Variants in PHKB observed in about 807,000 individuals in gnomAD.
PHKB encodes phosphorylase kinase regulatory subunit beta.
Under a neutral mutation model 152.1 loss-of-function variants are expected in PHKB, and 122 were observed. The observed-to-expected ratio is 0.80, with a 90% CI of 0.69 to 0.93. The LOEUF (loss-of-function observed/expected upper bound fraction) is 0.93, where lower values mean the gene tolerates loss of function less well. Ranked by LOEUF, PHKB falls within the 40% of genes least tolerant of loss-of-function variation. The pLI, the probability that PHKB is intolerant of heterozygous loss-of-function variation, is 0.00. For missense variants in PHKB, 1,304 were observed against 1,328.4 expected (o/e 0.98, Z 0.29); for synonymous variants, 436 against 464.9 (o/e 0.94, Z 0.80).
rs763225615 is a variant in PHKB at position 47,669,287 on chromosome 16, A to T, written c.2500A>T (p.Ile834Phe). 6.2e-7 allele frequency: 1 copy of T among 1,614,084 alleles called. No individual in the cohort carries two copies. Among genetic ancestry groups the T allele is most frequent in the Non-Finnish European group, 8.5e-7 (1 of 1,179,956 alleles). The change falls in exon 26 of 31, where the codon ATC becomes TTC. Residue 834 changes from isoleucine (I) to phenylalanine (F), a missense_variant. By Grantham distance (21) the Ile-to-Phe change is conservative. Transcript: ENST00000323584. ...NPLSPRVIQNIIYYKCNTHDE... is the reference protein window; with the variant it reads ...NPLSPRVIQNFIYYKCNTHDE... ...TTTGTCTCCAAGAGTGATTCAAAAC[A>T]TCATCTATTATAAGTGTAACACCCA...
chr16:47,479,796 T>A (rs964434412), intron 1 of PHKB, among the ~76,000 whole-genome samples: 3 of 152,176 alleles, frequency 2.0e-5, no homozygotes, highest in Non-Finnish European at 2.9e-5. Context: ...CATCCCTGAT[T>A]CCCACTGGGC....
intron 13 of PHKB, among the ~76,000 whole-genome samples, chr16:47,605,626 C>T (rs1287450102): frequency 6.6e-6 from 1 of 152,006 alleles, no homozygotes; most frequent in East Asian, 1.9e-4. Flanking sequence ...TACTAATCAA[C>T]CCTGTATCAT....
At chr16:47,476,468 A>G (rs1477566316) in intron 1 of PHKB, among the ~76,000 whole-genome samples, 1 of 152,164 alleles carries the variant, frequency 6.6e-6, no homozygotes, top group Non-Finnish European at 1.5e-5. Flanking sequence ...TTTGATAATA[A>G]TCATTTGCTC....
intron 26 of PHKB, among the ~76,000 whole-genome samples, chr16:47,683,460 A>G (rs1241633168): frequency 6.6e-6 from 1 of 152,136 alleles, no homozygotes; most frequent in African/African-American, 2.4e-5. Flanking sequence ...AGCCTTGGCA[A>G]TGGCAGGCAC....
chr16:47,494,594 C>A (rs902563610), intron 1 of PHKB, among the ~76,000 whole-genome samples: 1 of 152,178 alleles, frequency 6.6e-6, no homozygotes, highest in Admixed American at 6.5e-5. Flanking sequence ...TCAGTCTGCT[C>A]TGAGCTATTT....
chr16:47,631,948 G>A (rs970566530), intron 14 of PHKB, among the ~76,000 whole-genome samples: 12 of 152,196 alleles, frequency 7.9e-5, no homozygotes, highest in Admixed American at 3.3e-4. Flanking sequence ...GGAAGTCAGT[G>A]TGGCTATTCC....
At chr16:47,563,357 A>C (rs1971508565) in intron 7 of PHKB, among the ~76,000 whole-genome samples, 1 of 152,004 alleles carries the variant, frequency 6.6e-6, no homozygotes, top group African/African-American at 2.4e-5. Context: ...AAGTAAAATT[A>C]ATCCTTGATC....
intron 7 of PHKB, among the ~76,000 whole-genome samples, chr16:47,552,418 A>G (rs1312128719): frequency 1.3e-5 from 2 of 152,162 alleles, no homozygotes; most frequent in African/African-American, 2.4e-5. Context: ...GGTGGTGACA[A>G]AATCTCTCAG....
chr16:47,686,224 C>A (rs1973962855), intron 26 of PHKB, among the ~76,000 whole-genome samples: 1 of 152,076 alleles, frequency 6.6e-6, no homozygotes, highest in Non-Finnish European at 1.5e-5. Flanking sequence ...GTGCGTGATA[C>A]TAGGGATTTT....
intron 13 of PHKB, among the ~76,000 whole-genome samples, chr16:47,602,922 C>T (rs1189805793): frequency 6.6e-6 from 1 of 152,044 alleles, no homozygotes; most frequent in Non-Finnish European, 1.5e-5. Flanking sequence ...ATAGGAAATA[C>T]TTCTCTCTGT....
chr16:47,657,373 G>A (rs1305614140), intron 20 of PHKB, among the ~76,000 whole-genome samples: 1 of 152,174 alleles, frequency 6.6e-6, no homozygotes, highest in Non-Finnish European at 1.5e-5. Flanking sequence ...AAATTCTAAA[G>A]GGAGAGCCCA....
intron 7 of PHKB, among the ~76,000 whole-genome samples, chr16:47,576,479 G>A (rs1971751541): frequency 6.6e-6 from 1 of 152,196 alleles, no homozygotes; most frequent in Non-Finnish European, 1.5e-5. Flanking sequence ...GATTTTGAAT[G>A]TCAATGCTCA....
chr16:47,558,925 G>A (rs998977736), intron 7 of PHKB, among the ~76,000 whole-genome samples: 1 of 152,162 alleles, frequency 6.6e-6, no homozygotes, highest in Non-Finnish European at 1.5e-5. Context: ...TACCATTAAA[G>A]ACAGAACCTT....
chr16:47,464,055 T>C (rs1969623923), intron 1 of PHKB: 6 of 1,018,214 alleles, frequency 5.9e-6, no homozygotes, highest in Non-Finnish European at 9.4e-6. Context: ...TTTCTGAAGG[T>C]TGATTTCACT....
chr16:47,478,150 C>T (rs1400315254), intron 1 of PHKB, among the ~76,000 whole-genome samples: 1 of 152,106 alleles, frequency 6.6e-6, no homozygotes, highest in Non-Finnish European at 1.5e-5. Flanking sequence ...CCTTAGACCT[C>T]TTTAAAGCAG....
At chr16:47,512,274 C>A (rs533564814) in intron 5 of PHKB, among the ~76,000 whole-genome samples, 1 of 152,136 alleles carries the variant, frequency 6.6e-6, no homozygotes, top group Non-Finnish European at 1.5e-5. Flanking sequence ...ATGGCAGCCA[C>A]CAGGGCTGAG....
Position 47,462,852 on chromosome 16 carries a change from G to A in PHKB, c.76+1426G>A, listed in dbSNP as rs1969597693. 3 of 151,398 alleles carry A rather than the reference G, an allele frequency of 2.0e-5. No individual in the cohort carries two copies. In the East Asian group the frequency reaches 5.8e-4, roughly 29 times the overall value. 9.4% of individuals were successfully genotyped at this position (151,398 alleles called of 1,614,324 possible). A position where few individuals can be genotyped will look rare whatever the true frequency, so the allele number is the denominator to read the frequency against. The stretch of plus-strand genomic sequence containing the variant: ...AAAAGTTCAGCTTTATATACTTAGG[G>A]TTATAGTAAAATTACCATCTATGAA... On this transcript the variant is annotated intron_variant, in intron 1 of 30. Coordinates refer to ENST00000323584, the MANE Select transcript of PHKB (RefSeq NM_000293.3).
chr16:47,559,193 C>G (rs765388229), intron 7 of PHKB, among the ~76,000 whole-genome samples: 9 of 152,176 alleles, frequency 5.9e-5, no homozygotes, highest in Non-Finnish European at 1.3e-4. Flanking sequence ...TTTACACAAA[C>G]AGTCCAAATA....
intron 4 of PHKB, among the ~76,000 whole-genome samples, chr16:47,510,850 G>A (rs961993323): frequency 3.3e-5 from 5 of 152,132 alleles, no homozygotes; most frequent in Non-Finnish European, 7.4e-5. Context: ...TAAAAGAGAA[G>A]TAAATTATTG....
Sources: allele counts gnomAD v4.1 joint callset (sites outside exome capture counted in the v4.1 genomes callset), GRCh38; gene constraint gnomAD v4.1.1; transcripts MANE v1.5; gene names NCBI Gene and HGNC (gene_info 2026-07-23, HGNC 2026-07-21).